The following BCR variants were observed in gnomAD, a reference collection of about 807,000 sequenced individuals.
BCR encodes the protein breakpoint cluster region protein.
In BCR, 58 loss-of-function variants were observed where a neutral mutation model predicts 138.6. The observed-to-expected ratio is 0.42, with a 90% CI of 0.34 to 0.52. The LOEUF is 0.52. Ranked by LOEUF, BCR falls within the 20% of genes least tolerant of loss-of-function variation. The probability of loss-of-function intolerance (pLI) is 0.06; values close to 1 mark genes in which losing one functional copy is unlikely to be tolerated. For synonymous variants in BCR, 786 were observed against 730.1 expected (o/e 1.08, Z -1.23); for missense variants, 1,599 against 1,727.2 (o/e 0.93, Z 1.32).
intron 4 of BCR, among the ~76,000 whole-genome samples, chr22:23,265,605 C>G (rs1388786415): frequency 6.6e-6 from 1 of 152,210 alleles, no homozygotes; most frequent in Non-Finnish European, 1.5e-5. Context: ...GTGGTTCTGG[C>G]TGAAGTTTTA....
At chr22:23,199,201 A>G (rs200070073) in intron 1 of BCR, 17 of 476,910 alleles carry the variant, frequency 3.6e-5, no homozygotes, top group Non-Finnish European at 6.3e-5. Flanking sequence ...CTCTCATGGC[A>G]TTTCTTTAGT....
chr22:23,217,046 C>T (rs1290863443), intron 1 of BCR: 5 of 450,252 alleles, frequency 1.1e-5, no homozygotes, highest in Non-Finnish European at 2.2e-5. Context: ...GGACACACGG[C>T]GTGGACACAA....
intron 1 of BCR, among the ~76,000 whole-genome samples, chr22:23,191,883 C>G (rs571631460): frequency 2.6e-5 from 4 of 152,276 alleles, no homozygotes; most frequent in African/African-American, 9.6e-5. Context: ...GAGATTATCC[C>G]GCTGGTTCTG....
chr22:23,314,830 A>T, intron 22 of BCR, 116 bp downstream of exon 22: 3 of 1,339,730 alleles, frequency 2.2e-6, no homozygotes, highest in Non-Finnish European at 3.1e-6. Context: ...TGTGGCCAAC[A>T]TTCACAGAGA....
intron 1 of BCR, among the ~76,000 whole-genome samples, chr22:23,236,193 C>A (rs2073020954): frequency 6.6e-6 from 1 of 152,184 alleles, no homozygotes; most frequent in Non-Finnish European, 1.5e-5. Context: ...CCTTCTGTTT[C>A]ATGGAGAAGA....
Position 23,263,651 on chromosome 22 carries a change from C to T in BCR, c.1752+2111C>T, listed in dbSNP as rs150323451. 310 of 1,463,764 alleles carry T rather than the reference C, an allele frequency of 2.1e-4. 1 individual carries two copies. The African/African-American group carries it at 4.0e-3, about 19-fold the overall frequency. The allele number at this position is 1,463,764 out of a possible 1,614,324, so 90.7% of individuals were successfully genotyped here. On this transcript the variant is annotated intron_variant, in intron 4 of 22. Transcript: ENST00000305877. ...CTGGCCACCTCGCATATTGTCAGTG[C>T]AGGAGGAGATGGGAAGATTGGCCTT...
chr22:23,243,377 T>C (rs1219065274), intron 1 of BCR, among the ~76,000 whole-genome samples: 1 of 152,188 alleles, frequency 6.6e-6, no homozygotes, highest in Non-Finnish European at 1.5e-5. Context: ...TGATCTCGGC[T>C]GAACTGATCA....
chr22:23,198,023 G>A (rs1383232454), intron 1 of BCR, among the ~76,000 whole-genome samples: 2 of 152,130 alleles, frequency 1.3e-5, no homozygotes, highest in East Asian at 1.9e-4. Context: ...GTGGAGGGCC[G>A]GAGCAGGCCC....
intron 1 of BCR, among the ~76,000 whole-genome samples, chr22:23,185,874 G>A (rs2072336659): frequency 6.6e-6 from 1 of 151,516 alleles, no homozygotes; most frequent in African/African-American, 2.4e-5. Flanking sequence ...GACCACAGGC[G>A]CCCACCACCA....
In BCR at chr22:23,273,678, G is replaced by C. The variant is rs769154760; in HGVS notation, c.2019G>C (p.Leu673Phe). 4 of 1,614,070 alleles carry C rather than the reference G, an allele frequency of 2.5e-6. No individual in the cohort carries two copies. The Admixed American group carries it at 6.7e-5, about 27-fold the overall frequency. ...CTGCCAGCCACCCTGACCACCCCTT[G>C]CTGCAGGACGCCCTCCGCATCTCAC... ...HTPASHPDHPLLQDALRISQN... is the reference protein window; with the variant it reads ...HTPASHPDHPFLQDALRISQN... Residue 673 changes from leucine (L) to phenylalanine (F), a missense_variant, in exon 8 of 23, where the codon TTG (leucine) becomes TTC (phenylalanine). Around this residue, in one of 4 missense-constraint regions of BCR, gnomAD observed 590 missense variants for 762.4 expected, o/e 0.77. Coordinates refer to ENST00000305877, the MANE Select transcript of BCR (RefSeq NM_004327.4).
chr22:23,283,896 T>C (rs779700286), intron 8 of BCR, 81 bp from the exon 9 acceptor site: 84 of 1,458,984 alleles, frequency 5.8e-5, no homozygotes, highest in South Asian at 1.4e-5. Flanking sequence ...GTCAACCTGC[T>C]CCTGCTGGGC....
intron 1 of BCR, among the ~76,000 whole-genome samples, chr22:23,233,105 C>T (rs2072977048): frequency 6.6e-6 from 1 of 152,224 alleles, no homozygotes; most frequent in South Asian, 2.1e-4. Flanking sequence ...CTCTTCTATG[C>T]CTTCTGTTGT....
At chr22:23,218,161 G>A (rs2072779444) in intron 1 of BCR, among the ~76,000 whole-genome samples, 1 of 152,172 alleles carries the variant, frequency 6.6e-6, no homozygotes, top group African/African-American at 2.4e-5. Flanking sequence ...CTTTGGTGTG[G>A]GGTTTGTGCT....
intron 16 of BCR, among the ~76,000 whole-genome samples, chr22:23,303,180 T>TA (rs1464408136): frequency 6.6e-6 from 1 of 152,154 alleles, no homozygotes; most frequent in East Asian, 1.9e-4. Context: ...TTACATAACT[T>TA]ATAGAGGTAT....
rs1301518214 is a variant in BCR, at chr22:23,181,176, G to T, written c.216G>T (p.Arg72=). 6.6e-6 allele frequency: 9 copies of T among 1,372,746 alleles called. No individual in the cohort carries two copies. In the Admixed American group the frequency reaches 2.3e-4, roughly 34 times the overall value. 85.0% of individuals were successfully genotyped at this position (1,372,746 alleles called of 1,614,324 possible). Reference sequence around the variant, plus strand: ...CCAAGGAAAAGAAGAGCTATGACCGGCAGCGATGGGGCTTCCGGCGCGCGG... The same window carrying T: ...CCAAGGAAAAGAAGAGCTATGACCGTCAGCGATGGGGCTTCCGGCGCGCGG... ...LLAKEKKSYD[R]QRWGFRRAAQ... The change falls in exon 1 of 23, where the codon CGG becomes CGT. Residue 72 remains arginine, a synonymous_variant. Transcript: ENST00000305877.
At chr22:23,193,537 GC>G (rs145884955) in intron 1 of BCR, among the ~76,000 whole-genome samples, 4,618 of 152,344 alleles carry the variant, frequency 0.03, 250 homozygotes, top group African/African-American at 0.11. Flanking sequence ...ACTTGGCTCA[GC>G]CATTGTATAA....
chr22:23,285,089 A>G lies in BCR; in HGVS notation c.2294A>G (p.Gln765Arg), dbSNP rs376680676. 1.4e-5 allele frequency: 22 copies of G among 1,614,010 alleles called. No individual in the cohort carries two copies. The highest frequency in any genetic ancestry group is 3.3e-5 in the Admixed American group (2 of 60,002). ...WYIPLTDLSF[Q>R]MVDELEAVPN... Reference sequence around the variant, plus strand: ...ATTCCGCTCACGGATCTCAGCTTCCAGATGGTGGATGAACTGGAGGCAGTG... The same window carrying G: ...ATTCCGCTCACGGATCTCAGCTTCCGGATGGTGGATGAACTGGAGGCAGTG... Residue 765 changes from glutamine (Q) to arginine (R), a missense_variant, in exon 10 of 23, where the codon CAG becomes CGG. Physicochemically the swap from Gln to Arg is conservative, Grantham distance 43 (BLOSUM62 1). Transcript: ENST00000305877.
intron 16 of BCR, among the ~76,000 whole-genome samples, chr22:23,299,673 A>G (rs1160731634): frequency 6.7e-6 from 1 of 149,418 alleles, no homozygotes; most frequent in Non-Finnish European, 1.5e-5. Flanking sequence ...TATTTAATAC[A>G]TTGTTTAATG....
chr22:23,260,907 C>G, intron 2 of BCR, 43 bp from the exon 3 acceptor site: 1 of 1,577,492 alleles, frequency 6.3e-7, no homozygotes, highest in Non-Finnish European at 8.7e-7. Context: ...GAAGAATCCC[C>G]CTACCACCCT....
Sources: allele counts gnomAD v4.1 joint callset (sites outside exome capture counted in the v4.1 genomes callset), GRCh38; gene constraint gnomAD v4.1.1; regional missense constraint gnomAD v4.1.1; transcripts MANE v1.5; gene names NCBI Gene and HGNC (gene_info 2026-07-23, HGNC 2026-07-21).